Variants in SRRM4 observed in about 807,000 individuals in gnomAD.
SRRM4 encodes serine/arginine repetitive matrix protein 4.
In SRRM4, 33 loss-of-function variants were observed where a neutral mutation model predicts 68.9. The ratio of observed to expected loss-of-function variants is 0.48; its 90% CI spans 0.36 to 0.64. The LOEUF is 0.64. Among genes scored for constraint, SRRM4 ranks in the 30% least tolerant of loss-of-function variants. The pLI is 0.00. For synonymous variants in SRRM4, 318 were observed against 318.8 expected (o/e 1.00, Z 0.03); for missense variants, 817 against 827.1 (o/e 0.99, Z 0.15).
At chr12:118,982,881 C>A (rs1381581201) in intron 1 of SRRM4, among the ~76,000 whole-genome samples, 1 of 151,892 alleles carries the variant, frequency 6.6e-6, no homozygotes, top group Admixed American at 6.6e-5. Context: ...AAATCCAATT[C>A]TTTTCATAAA....
At chr12:119,136,079 C>T (rs1954326120) in intron 8 of SRRM4, among the ~76,000 whole-genome samples, 1 of 152,118 alleles carries the variant, frequency 6.6e-6, no homozygotes, top group South Asian at 2.1e-4. Flanking sequence ...TCCTAGTTGC[C>T]ATAATATTTT....
chr12:119,088,505 C>T (rs1953993395), intron 1 of SRRM4, among the ~76,000 whole-genome samples: 1 of 152,076 alleles, frequency 6.6e-6, no homozygotes, highest in African/African-American at 2.4e-5. Flanking sequence ...GTATATTTCC[C>T]ATAGCTACTG....
At chr12:119,084,303 A>G (rs1388745955) in intron 1 of SRRM4, among the ~76,000 whole-genome samples, 1 of 152,162 alleles carries the variant, frequency 6.6e-6, no homozygotes, top group African/African-American at 2.4e-5. Flanking sequence ...CTGAGGAGCT[A>G]CCTCTTCTGG....
intron 8 of SRRM4, 126 bp downstream of exon 8, chr12:119,130,960 C>CCCAAGCCAGTGTTGCCAA: frequency 9.8e-7 from 1 of 1,023,634 alleles, no homozygotes; most frequent in Non-Finnish European, 1.4e-6. Flanking sequence ...CCACTGGCTC[C>CCCAAGCCAGTGTTGCCAA]AGACCTCATT....
chr12:119,016,892 C>T (rs938251271), intron 1 of SRRM4, among the ~76,000 whole-genome samples: 1 of 152,164 alleles, frequency 6.6e-6, no homozygotes, highest in African/African-American at 2.4e-5. Context: ...CAACCTTAGA[C>T]CAGTCACTTC....
chr12:119,045,146 A>G (rs1453699441), intron 1 of SRRM4, among the ~76,000 whole-genome samples: 3 of 152,154 alleles, frequency 2.0e-5, no homozygotes, highest in African/African-American at 4.8e-5. Flanking sequence ...TGAGATCCAA[A>G]AGGTGGACAC....
chr12:119,140,878 A>C (rs1954361043), intron 8 of SRRM4, among the ~76,000 whole-genome samples: 1 of 152,184 alleles, frequency 6.6e-6, no homozygotes, highest in Non-Finnish European at 1.5e-5. Flanking sequence ...TGGACCTCAA[A>C]CTTTCTTCTA....
At chr12:119,102,446 G>T (rs1374962362) in intron 2 of SRRM4, 64 bp downstream of exon 2, 1 of 1,341,622 alleles carries the variant, frequency 7.5e-7, no homozygotes, top group Non-Finnish European at 1.0e-6. Flanking sequence ...TCTGGCCATG[G>T]CTCACCCCTC....
chr12:119,097,579 G>A (rs910100443), intron 1 of SRRM4, among the ~76,000 whole-genome samples: 9 of 152,190 alleles, frequency 5.9e-5, no homozygotes, highest in Non-Finnish European at 1.3e-4. Flanking sequence ...CCAACACCAG[G>A]AAGGTGAAAT....
intron 1 of SRRM4, among the ~76,000 whole-genome samples, chr12:119,009,293 G>A (rs1332006297): frequency 6.6e-6 from 1 of 152,106 alleles, no homozygotes; most frequent in Non-Finnish European, 1.5e-5. Context: ...GGGAGAGAAA[G>A]ACAATTAAAG....
chr12:119,138,609 C>T (rs1341786991), intron 8 of SRRM4, among the ~76,000 whole-genome samples: 1 of 152,168 alleles, frequency 6.6e-6, no homozygotes, highest in East Asian at 1.9e-4. Context: ...AGGGTGTCCT[C>T]ACTGAGATTA....
intron 1 of SRRM4, among the ~76,000 whole-genome samples, chr12:119,013,311 A>G (rs1300302319): frequency 6.6e-6 from 1 of 152,226 alleles, no homozygotes; most frequent in African/African-American, 2.4e-5. Context: ...CCAGTGCAAC[A>G]CAGCCAAAAC....
At chr12:119,122,300 A>AAGGAAGGCAGGAAGGC (rs1954226255) in intron 6 of SRRM4, among the ~76,000 whole-genome samples, 180 bp downstream of exon 6, 1 of 67,014 alleles carries the variant, frequency 1.5e-5, no homozygotes, top group African/African-American at 4.8e-5. Flanking sequence ...GGCAGGAAGG[A>AAGGAAGGCAGGAAGGC]AGGAAGGAAG....
At position 119,157,925 on chromosome 12, in the gene SRRM4, G is replaced by T. The variant is rs1208047785; in HGVS notation, c.*1127G>T. On this transcript the variant is annotated 3_prime_UTR_variant, in exon 13 of 13. Transcript: ENST00000267260. The surrounding 1 kb of genome is among the most constrained non-coding windows in gnomAD (Gnocchi z 4.1). The stretch of plus-strand genomic sequence containing the variant: ...GATGGGGCACAGCAGCTCAGGTTTG[G>T]GGGAAAAGACCCGAATCCAGAGTGC... 1 of 152,848 alleles carries T rather than the reference G, an allele frequency of 6.5e-6. No individual in the cohort carries two copies. Among genetic ancestry groups the T allele is most frequent in the East Asian group, 1.9e-4 (1 of 5,190 alleles). The allele number at this position is 152,848 out of a possible 1,614,324, so 9.5% of individuals were successfully genotyped here.
chr12:119,054,644 C>A (rs1456323662), intron 1 of SRRM4, among the ~76,000 whole-genome samples: 2 of 152,076 alleles, frequency 1.3e-5, no homozygotes, highest in East Asian at 3.9e-4. Context: ...AAAGCTGGAT[C>A]CAATAATAAA....
chr12:119,085,262 C>T (rs563646216), intron 1 of SRRM4, among the ~76,000 whole-genome samples: 1 of 152,320 alleles, frequency 6.6e-6, no homozygotes, highest in African/African-American at 2.4e-5. Flanking sequence ...ATTCCAACAG[C>T]TTTACATATT....
chr12:119,073,862 A>G (rs1275125877), intron 1 of SRRM4, among the ~76,000 whole-genome samples: 1 of 152,172 alleles, frequency 6.6e-6, no homozygotes, highest in Non-Finnish European at 1.5e-5. Flanking sequence ...TCTTGGGCTC[A>G]AGAAACTCTA....
chr12:119,114,944 G>A (rs1375368444), intron 3 of SRRM4, among the ~76,000 whole-genome samples: 2 of 151,786 alleles, frequency 1.3e-5, no homozygotes, highest in African/African-American at 2.4e-5. Context: ...GGTTACAAGC[G>A]TGAACCACCG....
At chr12:118,982,162 C>T in intron 1 of SRRM4, 149 bp downstream of exon 1, 1 of 1,043,796 alleles carries the variant, frequency 9.6e-7, no homozygotes, top group Non-Finnish European at 1.4e-6. Context: ...AACATGGGAA[C>T]TCATTGCTTG....
Sources: allele counts gnomAD v4.1 joint callset (sites outside exome capture counted in the v4.1 genomes callset), GRCh38; gene constraint gnomAD v4.1.1; non-coding constraint Gnocchi (gnomAD v3.1); transcripts MANE v1.5; gene names NCBI Gene and HGNC (gene_info 2026-07-23, HGNC 2026-07-21).